RUNDC3B: variants seen among roughly 807,000 people sequenced by gnomAD.
The protein encoded by RUNDC3B is RUN domain-containing protein 3B.
In RUNDC3B, 33 loss-of-function variants were observed where a neutral mutation model predicts 58.4. That is an observed-to-expected ratio of 0.56 (90% CI 0.43 to 0.75). RUNDC3B has a LOEUF of 0.75. Among genes scored for constraint, RUNDC3B ranks in the 30% least tolerant of loss-of-function variants. The pLI, the probability that RUNDC3B is intolerant of heterozygous loss-of-function variation, is 0.00. For missense variants in RUNDC3B, 501 were observed against 535.7 expected (o/e 0.94, Z 0.64); for synonymous variants, 193 against 195.2 (o/e 0.99, Z 0.10).
intron 8 of RUNDC3B, 107 bp downstream of exon 8, chr7:87,778,062 A>G: frequency 3.4e-6 from 3 of 888,064 alleles, no homozygotes; most frequent in Non-Finnish European, 1.7e-6. Flanking sequence ...TGCCTGTTAA[A>G]TTCTTTTTCA....
chr7:87,694,006 T>G (rs1165424315), intron 2 of RUNDC3B: 1 of 1,604,372 alleles, frequency 6.2e-7, no homozygotes, highest in Non-Finnish European at 8.5e-7. Context: ...CACGGGAGCA[T>G]GGAATTGACT....
intron 3 of RUNDC3B, among the ~76,000 whole-genome samples, chr7:87,709,850 A>T (rs1297210013): frequency 3.3e-5 from 5 of 152,214 alleles, no homozygotes; most frequent in Non-Finnish European, 7.4e-5. Context: ...TTCTTACTAC[A>T]AATATGATCT....
intron 8 of RUNDC3B, among the ~76,000 whole-genome samples, chr7:87,790,179 A>G (rs1470332447): frequency 6.6e-6 from 1 of 152,226 alleles, no homozygotes; most frequent in African/African-American, 2.4e-5. Context: ...GGCTGAACAC[A>G]GAGAGACACC....
intron 9 of RUNDC3B, among the ~76,000 whole-genome samples, chr7:87,813,439 T>C (rs577803002): frequency 1.3e-5 from 2 of 152,304 alleles, no homozygotes; most frequent in South Asian, 4.1e-4. Context: ...ATGAATTCTA[T>C]GTCTTTTTGC....
At chr7:87,752,759 T>A (rs984556735) in intron 6 of RUNDC3B, among the ~76,000 whole-genome samples, 13 of 152,164 alleles carry the variant, frequency 8.5e-5, no homozygotes, top group Non-Finnish European at 1.8e-4. Flanking sequence ...ATTTGATTCT[T>A]CTCTCTTTTT....
At chr7:87,809,350 A>G (rs1465719814) in intron 9 of RUNDC3B, among the ~76,000 whole-genome samples, 1 of 152,120 alleles carries the variant, frequency 6.6e-6, no homozygotes, top group Admixed American at 6.5e-5. Flanking sequence ...CCCAAACAAA[A>G]AAGTATGCAG....
At chr7:87,703,905 TTTTTTTTG>T (rs1829334810) in intron 3 of RUNDC3B, among the ~76,000 whole-genome samples, 3 of 107,500 alleles carry the variant, frequency 2.8e-5, no homozygotes, top group Non-Finnish European at 3.9e-5. Flanking sequence ...TTTTTTTTTT[TTTTTTTTG>T]GTTTTTTTTT....
chr7:87,750,070 T>G, intron 6 of RUNDC3B, among the ~76,000 whole-genome samples: 1 of 150,938 alleles, frequency 6.6e-6, no homozygotes, highest in East Asian at 2.0e-4. Flanking sequence ...GATGTTCCCC[T>G]TCCTGTGTCC....
intron 9 of RUNDC3B, among the ~76,000 whole-genome samples, chr7:87,809,087 T>A (rs1836578566): frequency 6.6e-6 from 1 of 152,206 alleles, no homozygotes; most frequent in African/African-American, 2.4e-5. Flanking sequence ...AGATTTATTT[T>A]TAATTTACTT....
intron 6 of RUNDC3B, among the ~76,000 whole-genome samples, chr7:87,759,197 T>A (rs1261829388): frequency 6.6e-6 from 1 of 152,136 alleles, no homozygotes; most frequent in Non-Finnish European, 1.5e-5. Flanking sequence ...TGGATGGGCC[T>A]GGAGATTATA....
At chr7:87,761,248 G>T (rs552788751) in intron 6 of RUNDC3B, among the ~76,000 whole-genome samples, 96 of 152,004 alleles carry the variant, frequency 6.3e-4, no homozygotes, top group Non-Finnish European at 1.0e-3. Context: ...TTAGTCATTA[G>T]GGAAATGCAA....
intron 7 of RUNDC3B, among the ~76,000 whole-genome samples, chr7:87,776,369 T>C (rs1834627414): frequency 1.3e-5 from 2 of 152,286 alleles, no homozygotes; most frequent in East Asian, 1.9e-4. Context: ...TGGAATACTA[T>C]ACAGTTTTTA....
At chr7:87,777,772 A>G (rs1834715261) in intron 7 of RUNDC3B, 26 bp from the exon 8 acceptor site, 4 of 1,609,160 alleles carry the variant, frequency 2.5e-6, no homozygotes, top group Non-Finnish European at 3.4e-6. Context: ...TGCAGTTTCT[A>G]TATCTTGATG....
intron 6 of RUNDC3B, among the ~76,000 whole-genome samples, chr7:87,752,950 T>A (rs943605709): frequency 2.6e-5 from 4 of 151,620 alleles, no homozygotes; most frequent in Non-Finnish European, 5.9e-5. Context: ...CTTTTCTAGT[T>A]CTTTTAATTG....
chr7:87,688,704 T>A (rs1193216919), intron 2 of RUNDC3B, among the ~76,000 whole-genome samples: 1 of 151,988 alleles, frequency 6.6e-6, no homozygotes, highest in Non-Finnish European at 1.5e-5. Flanking sequence ...ATATTTTTCT[T>A]AGTTCTGTAA....
rs200180634 is a variant in RUNDC3B at position 87,830,440 on chromosome 7, C to CA, written c.*429dup. 11,597 of 74,316 alleles carry CA rather than the reference C, an allele frequency of 0.16. 702 individuals are homozygous for CA. The highest frequency in any genetic ancestry group is 0.24 in the African/African-American group (6,223 of 25,620). The allele number at this position is 74,316 out of a possible 1,614,324, so 4.6% of individuals were successfully genotyped here. A position where few individuals can be genotyped will look rare whatever the true frequency, so the allele number is the denominator to read the frequency against. ...GTATTTTTTCATTCTTTCAGATTTT[C>CA]AAAAAAAAAAAAAAAAAAAGTTAAT... is the stretch of plus-strand genomic sequence containing the variant. On this transcript the variant is annotated 3_prime_UTR_variant, in exon 11 of 11. Transcript: ENST00000394654.
At chr7:87,799,171 GA>G (rs1352547451) in intron 8 of RUNDC3B, among the ~76,000 whole-genome samples, 1 of 152,176 alleles carries the variant, frequency 6.6e-6, no homozygotes, top group African/African-American at 2.4e-5. Flanking sequence ...TATTTATTGA[GA>G]AAGTATGGTG....
chr7:87,695,172 C>A (rs1478560970), intron 2 of RUNDC3B, among the ~76,000 whole-genome samples: 1 of 152,050 alleles, frequency 6.6e-6, no homozygotes, highest in Non-Finnish European at 1.5e-5. Flanking sequence ...AGTGTTTATA[C>A]TTGTTCTATT....
At chr7:87,673,104 C>G (rs1825997004) in intron 2 of RUNDC3B, among the ~76,000 whole-genome samples, 1 of 152,148 alleles carries the variant, frequency 6.6e-6, no homozygotes, top group Non-Finnish European at 1.5e-5. Context: ...TGATCGGGTT[C>G]CCTTTGTAGG....
Sources: gnomAD v4.1 joint callset for allele counts (sites outside exome capture counted in the v4.1 genomes callset) on GRCh38, gnomAD v4.1.1 for gene constraint, MANE v1.5 for transcripts, NCBI Gene and HGNC (gene_info 2026-07-23, HGNC 2026-07-21) for gene names.